Variants in ASPH observed in about 807,000 individuals in gnomAD.
ASPH encodes aspartate beta-hydroxylase, also known as aspartyl/asparaginyl beta-hydroxylase.
Under a neutral mutation model 118.4 loss-of-function variants are expected in ASPH, and 100 were observed. The observed-to-expected ratio is 0.84, with a 90% CI of 0.72 to 1.00. ASPH has a LOEUF of 1.00. Ranked by LOEUF, ASPH falls within the 50% of genes least tolerant of loss-of-function variation. The pLI is 0.00. For missense variants in ASPH, 920 were observed against 919.5 expected (o/e 1.00, Z -0.01); for synonymous variants, 315 against 325.6 (o/e 0.97, Z 0.35).
At chr8:61,695,055 T>A (rs1263074014) in intron 1 of ASPH, among the ~76,000 whole-genome samples, 4 of 152,212 alleles carry the variant, frequency 2.6e-5, no homozygotes, top group Non-Finnish European at 5.9e-5. Flanking sequence ...AGCACCTGGG[T>A]CACCCTTGTC....
At chr8:61,558,463 T>C (rs541658097) in intron 18 of ASPH, among the ~76,000 whole-genome samples, 56 of 152,318 alleles carry the variant, frequency 3.7e-4, no homozygotes, top group Non-Finnish European at 6.2e-4. Context: ...GGGTCCTGTT[T>C]AGTATCAAGT....
intron 15 of ASPH, chr8:61,579,316 A>C: frequency 6.2e-7 from 1 of 1,614,186 alleles, no homozygotes; most frequent in Non-Finnish European, 8.5e-7. Flanking sequence ...GCCAAGCAGG[A>C]CATGGCACGG....
chr8:61,585,706 C>T (rs1049031414), intron 14 of ASPH, among the ~76,000 whole-genome samples: 15 of 152,164 alleles, frequency 9.9e-5, no homozygotes, highest in Non-Finnish European at 2.1e-4. Context: ...GGGGGCACCT[C>T]TTTGTCACCT....
chr8:61,524,979 T>G (rs1351907534), intron 22 of ASPH, among the ~76,000 whole-genome samples: 1 of 152,192 alleles, frequency 6.6e-6, no homozygotes, highest in Non-Finnish European at 1.5e-5. Context: ...TAGCTCCATT[T>G]AAAAAATTCT....
intron 21 of ASPH, among the ~76,000 whole-genome samples, chr8:61,539,699 G>GGGGGGGTGTGTGTGTGTGTGTGT (rs1554618405): frequency 3.2e-5 from 4 of 124,214 alleles, no homozygotes; most frequent in African/African-American, 1.1e-4. Context: ...ACACTTCTGG[G>GGGGGGGTGTGTGTGTGTGTGTGT]GTGTGTGTGT....
Position 61,710,601 on chromosome 8 carries a change from A to G in ASPH, c.103+3668T>C, listed in dbSNP as rs183517668. Among the ~76,000 whole-genome samples the G allele has an allele frequency of 3.3e-5, 5 of 152,316 alleles. No individual in the cohort carries two copies. In the East Asian group the frequency reaches 9.6e-4, roughly 29 times the overall value. On this transcript the variant is annotated intron_variant, in intron 1 of 24. Transcript: ENST00000379454. ...ATTATTTAGTGCTTGGTTTCATATG[A>G]TTTGGTCAGGATGGACAAAATGCTG...
At chr8:61,547,013 A>C (rs1824123644) in intron 21 of ASPH, among the ~76,000 whole-genome samples, 1 of 152,208 alleles carries the variant, frequency 6.6e-6, no homozygotes, top group African/African-American at 2.4e-5. Flanking sequence ...TACAAATAGC[A>C]ATTAGAGTCT....
At chr8:61,576,949 A>G in intron 15 of ASPH, 91 bp from the exon 16 acceptor site, 1 of 1,075,476 alleles carries the variant, frequency 9.3e-7, no homozygotes, top group Non-Finnish European at 1.3e-6. Flanking sequence ...TGGTTTTGTC[A>G]GAGTTTCCTA....
At chr8:61,528,558 T>A (rs935777263) in intron 21 of ASPH, among the ~76,000 whole-genome samples, 9 of 152,198 alleles carry the variant, frequency 5.9e-5, no homozygotes, top group Admixed American at 2.6e-4. Flanking sequence ...TTCTTTTATT[T>A]CTTTAAAGCT....
chr8:61,659,360 A>T (rs1230232912), intron 3 of ASPH: 2 of 152,234 alleles, frequency 1.3e-5, no homozygotes, highest in African/African-American at 4.8e-5. Context: ...AAAATAACCC[A>T]ACAGCTTTAA....
chr8:61,695,311 G>A (rs1470142039), intron 1 of ASPH, among the ~76,000 whole-genome samples: 1 of 152,082 alleles, frequency 6.6e-6, no homozygotes, highest in Non-Finnish European at 1.5e-5. Flanking sequence ...TACTGCTTTC[G>A]AGATAAAATA....
intron 21 of ASPH, among the ~76,000 whole-genome samples, chr8:61,535,820 G>C (rs1819270122): frequency 6.6e-6 from 1 of 152,158 alleles, no homozygotes; most frequent in Non-Finnish European, 1.5e-5. Flanking sequence ...CAACATCCCA[G>C]GATGGCGGGG....
intron 14 of ASPH, among the ~76,000 whole-genome samples, chr8:61,616,904 C>T (rs1341962158): frequency 6.6e-6 from 1 of 152,182 alleles, no homozygotes; most frequent in African/African-American, 2.4e-5. Flanking sequence ...CTGTCTTGCT[C>T]TCACCTGCAA....
At chr8:61,703,974 T>A (rs943407631) in intron 1 of ASPH, among the ~76,000 whole-genome samples, 1 of 151,704 alleles carries the variant, frequency 6.6e-6, no homozygotes, top group Admixed American at 6.6e-5. Flanking sequence ...GGCGGGCGGA[T>A]CACGAGGTCA....
chr8:61,655,324 C>T lies in ASPH; in HGVS notation c.323-1664G>A, dbSNP rs531087034. Among the ~76,000 whole-genome samples the T allele has an allele frequency of 4.2e-4, 64 of 152,128 alleles. 1 individual carries two copies. The highest frequency in any genetic ancestry group is 7.9e-4 in the Non-Finnish European group (54 of 68,018). On this transcript the variant is annotated intron_variant, in intron 3 of 24. Transcript: ENST00000379454. The stretch of plus-strand genomic sequence containing the variant: ...TCTCTACTCCTATGTACCAGAGATC[C>T]GTATTTCTGCTCCAGCATCCACCAT...
At chr8:61,572,668 C>T (rs1403230928) in intron 16 of ASPH, among the ~76,000 whole-genome samples, 5 of 152,276 alleles carry the variant, frequency 3.3e-5, no homozygotes, top group Non-Finnish European at 4.4e-5. Flanking sequence ...TGGCCGTGAA[C>T]GCAGTCCAAG....
At chr8:61,592,191 A>T (rs1187969905) in intron 14 of ASPH, among the ~76,000 whole-genome samples, 1 of 152,210 alleles carries the variant, frequency 6.6e-6, no homozygotes, top group Non-Finnish European at 1.5e-5. Flanking sequence ...ACTACAGTAA[A>T]GGAAAGTCAT....
At chr8:61,703,260 A>C (rs1387034151) in intron 1 of ASPH, among the ~76,000 whole-genome samples, 3 of 152,324 alleles carry the variant, frequency 2.0e-5, no homozygotes, top group Admixed American at 1.3e-4. Context: ...TACTCTCATC[A>C]CTGGTATTCA....
chr8:61,581,412 G>T (rs760767362), intron 15 of ASPH, among the ~76,000 whole-genome samples: 48 of 152,198 alleles, frequency 3.2e-4, no homozygotes, highest in Non-Finnish European at 6.0e-4. Flanking sequence ...GAGAGACATG[G>T]ACGTAGGCCA....
Sources: allele counts gnomAD v4.1 joint callset (sites outside exome capture counted in the v4.1 genomes callset), GRCh38; gene constraint gnomAD v4.1.1; transcripts MANE v1.5; gene names NCBI Gene and HGNC (gene_info 2026-07-23, HGNC 2026-07-21).